The following NECAB2 variants were observed in gnomAD, a reference collection of about 807,000 sequenced individuals.
The protein encoded by NECAB2 is N-terminal EF-hand calcium binding protein 2.
Under a neutral mutation model 51.9 loss-of-function variants are expected in NECAB2, and 68 were observed. That is an observed-to-expected ratio of 1.31 (90% CI 1.08 to 1.60). The LOEUF is 1.60. NECAB2 is among the 40% of genes most tolerant of loss of function. The pLI, the probability that NECAB2 is intolerant of heterozygous loss-of-function variation, is 0.00. For synonymous variants in NECAB2, 329 were observed against 203.5 expected (o/e 1.62, Z -5.25); for missense variants, 854 against 490.3 (o/e 1.74, Z -7.00).
intron 10 of NECAB2, among the ~76,000 whole-genome samples, chr16:83,999,298 G>A (rs1249768876): frequency 6.6e-6 from 1 of 152,172 alleles, no homozygotes; most frequent in African/African-American, 2.4e-5. Flanking sequence ...CACTCCAGGA[G>A]GACAGACTGC....
At chr16:83,981,470 G>A (rs1477103988) in intron 5 of NECAB2, among the ~76,000 whole-genome samples, 3 of 151,890 alleles carry the variant, frequency 2.0e-5, no homozygotes, top group Non-Finnish European at 2.9e-5. Flanking sequence ...AAGAGGGGGC[G>A]GGGTGGGGCG....
intron 10 of NECAB2, among the ~76,000 whole-genome samples, chr16:84,000,341 G>C (rs189316587): frequency 7.5e-6 from 1 of 133,262 alleles, no homozygotes; most frequent in Non-Finnish European, 1.5e-5. Context: ...ACCAGCATGG[G>C]GAACATAGCA....
At position 83,990,560 on chromosome 16, in the gene NECAB2, C is replaced by G. The variant is rs2084610046; in HGVS notation, c.526C>G (p.Gln176Glu). The change falls in exon 6 of 13, where the codon CAG (glutamine) becomes GAG (glutamate). Residue 176 changes from glutamine (Q) to glutamate (E), a missense_variant. Gln to Glu is a conservative substitution (Grantham distance 29). Transcript: ENST00000305202. ...TRFLLKETAN[Q>E]IQSLLSSVES... The stretch of plus-strand genomic sequence containing the variant: ...CTTCCTCCTGAAGGAGACGGCCAAT[C>G]AGATCCAGTCGCTGCTGAGCTCAGT... The G allele has an allele frequency of 1.2e-6, 2 of 1,614,156 alleles. No homozygotes were observed. Among genetic ancestry groups the G allele is most frequent in the Non-Finnish European group, 1.7e-6 (2 of 1,180,040 alleles).
intron 1 of NECAB2, among the ~76,000 whole-genome samples, chr16:83,970,516 G>A (rs147234206): frequency 2.0e-5 from 3 of 152,136 alleles, no homozygotes; most frequent in Non-Finnish European, 2.9e-5. Flanking sequence ...CACCGCCCAG[G>A]TGCCTAGAAA....
At chr16:83,971,349 C>G (rs934287065) in intron 1 of NECAB2, 2 of 152,168 alleles carry the variant, frequency 1.3e-5, no homozygotes, top group Non-Finnish European at 2.9e-5. Context: ...GTGGCCCGGG[C>G]TGAGGAGGTT....
upstream of NECAB2, chr16:83,965,719 T>G (rs2084271305): frequency 1.2e-6 from 2 of 1,613,378 alleles, no homozygotes; most frequent in Non-Finnish European, 1.7e-6. Context: ...ACCTCGAGGG[T>G]GTCGAGAAGG....
Position 83,997,125 on chromosome 16 carries a change from T to C in NECAB2, c.796-91T>C, listed in dbSNP as rs868591470. 5 of 1,530,578 alleles carry C rather than the reference T, an allele frequency of 3.3e-6. No homozygotes were observed. The African/African-American group carries it at 5.5e-5, about 17-fold the overall frequency. The allele number at this position is 1,530,578 out of a possible 1,614,324, so 94.8% of individuals were successfully genotyped here. ...GCAACAGGGCCGGGTCCTTGGGAGC[T>C]CCCAACAGCCCCAGGGATCCCAGAG... On this transcript the variant is annotated intron_variant, in intron 8 of 12. Coordinates refer to ENST00000305202, the MANE Select transcript of NECAB2 (RefSeq NM_019065.3).
rs572414626 is a variant in NECAB2, at chr16:83,975,759, C to G, written c.227-2685C>G. Reference sequence around the variant, plus strand: ...ATGGACGCTGACAGGCTGACAGGCTCTTGGCATTTGAAAGGTCATGGAGAC... The same window carrying G: ...ATGGACGCTGACAGGCTGACAGGCTGTTGGCATTTGAAAGGTCATGGAGAC... On this transcript the variant is annotated intron_variant, in intron 2 of 12. Coordinates refer to ENST00000305202, the MANE Select transcript of NECAB2 (RefSeq NM_019065.3). Among the ~76,000 whole-genome samples the G allele has an allele frequency of 3.9e-5, 6 of 152,228 alleles. No individual in the cohort carries two copies. In the South Asian group the frequency reaches 1.2e-3, roughly 32 times the overall value.
chr16:83,980,693 C>T (rs2151089102), intron 3 of NECAB2, 146 bp from the exon 4 acceptor site: 1 of 1,097,828 alleles, frequency 9.1e-7, no homozygotes, highest in East Asian at 2.6e-5. Flanking sequence ...CTACCTGCTG[C>T]ACCCTCTTCT....
At chr16:83,979,127 A>G (rs2084452956) in intron 3 of NECAB2, among the ~76,000 whole-genome samples, 1 of 152,178 alleles carries the variant, frequency 6.6e-6, no homozygotes, top group South Asian at 2.1e-4. Flanking sequence ...GATTCTACTC[A>G]GACTTACCCT....
chr16:83,980,750 C>A, intron 3 of NECAB2, 89 bp from the exon 4 acceptor site: 1 of 1,483,232 alleles, frequency 6.7e-7, no homozygotes, highest in Non-Finnish European at 9.2e-7. Context: ...AAAGAGCAGG[C>A]AGGATGTGTG....
intron 5 of NECAB2, among the ~76,000 whole-genome samples, chr16:83,983,146 G>A (rs948239772): frequency 9.2e-5 from 14 of 152,150 alleles, no homozygotes; most frequent in African/African-American, 3.1e-4. Context: ...TGGGATTACA[G>A]GTGTGATGTG....
chr16:83,988,061 G>A (rs1342661371), intron 5 of NECAB2, among the ~76,000 whole-genome samples: 2 of 152,188 alleles, frequency 1.3e-5, no homozygotes, highest in African/African-American at 4.8e-5. Flanking sequence ...TTCAATCACA[G>A]TTGGTTACTG....
intron 10 of NECAB2, among the ~76,000 whole-genome samples, chr16:83,999,140 G>A (rs767206002): frequency 1.1e-4 from 17 of 152,200 alleles, no homozygotes; most frequent in Non-Finnish European, 2.1e-4. Flanking sequence ...TGGGCCCCCT[G>A]TGCACTGAGG....
At chr16:83,996,829 T>G (rs768476924) in intron 8 of NECAB2, among the ~76,000 whole-genome samples, 1 of 152,144 alleles carries the variant, frequency 6.6e-6, no homozygotes, top group Non-Finnish European at 1.5e-5. Flanking sequence ...GTAAACCATC[T>G]AGCTTAGAGT....
At chr16:83,999,123 G>A (rs1392148295) in intron 10 of NECAB2, among the ~76,000 whole-genome samples, 10 of 152,216 alleles carry the variant, frequency 6.6e-5, no homozygotes, top group South Asian at 2.1e-4. Flanking sequence ...TTTGAGAGGG[G>A]TCTTCTTGGG....
chr16:84,002,230 C>T (rs1460334598), intron 12 of NECAB2, 88 bp from the exon 13 acceptor site: 23 of 1,509,186 alleles, frequency 1.5e-5, no homozygotes, highest in Non-Finnish European at 2.1e-5. Flanking sequence ...AAAGCCATCC[C>T]CCGACCTGTC....
chr16:83,997,832 A>G (rs1242051953), intron 9 of NECAB2, among the ~76,000 whole-genome samples: 1 of 152,172 alleles, frequency 6.6e-6, no homozygotes, highest in Non-Finnish European at 1.5e-5. Context: ...GGTTTGGCAT[A>G]GAGCAAAGTG....
upstream of NECAB2, chr16:83,965,443 C>G: frequency 6.3e-7 from 1 of 1,594,822 alleles, no homozygotes; most frequent in Non-Finnish European, 8.5e-7. Context: ...CTGTCCTCAT[C>G]ATTGGCGCGG....
Sources: gnomAD v4.1 joint callset for allele counts (sites outside exome capture counted in the v4.1 genomes callset) on GRCh38, gnomAD v4.1.1 for gene constraint, MANE v1.5 for transcripts, NCBI Gene and HGNC (gene_info 2026-07-23, HGNC 2026-07-21) for gene names.